LDLRAD3: variants seen among roughly 807,000 people sequenced by gnomAD.
LDLRAD3 encodes low density lipoprotein receptor class A domain containing 3.
In LDLRAD3, 20 loss-of-function variants were observed where a neutral mutation model predicts 29.4. That is an observed-to-expected ratio of 0.68 (90% CI 0.48 to 0.99). The LOEUF (loss-of-function observed/expected upper bound fraction) is 0.99. LDLRAD3 is among the 50% of genes least tolerant of loss of function. LDLRAD3 has a pLI of 0.00. For synonymous variants in LDLRAD3, 157 were observed against 192.7 expected, an observed-to-expected ratio of 0.81 and a Z score of 1.53; for missense variants, 420 against 454.3, an observed-to-expected ratio of 0.92 and a Z score of 0.69.
intron 4 of LDLRAD3, among the ~76,000 whole-genome samples, chr11:36,115,659 C>T (rs143513270): frequency 3.3e-5 from 5 of 152,274 alleles, no homozygotes; most frequent in East Asian, 1.9e-4. Flanking sequence ...CGCAAAAGGA[C>T]GCCCCAGTCC....
intron 2 of LDLRAD3, among the ~76,000 whole-genome samples, chr11:36,080,031 TGGAAC>T (rs1853086614): frequency 6.6e-6 from 1 of 152,240 alleles, no homozygotes; most frequent in African/African-American, 2.4e-5. Flanking sequence ...TTTTGAAACC[TGGAAC>T]ATTTCAGGCC....
chr11:35,974,933 C>G (rs917819908), intron 1 of LDLRAD3, among the ~76,000 whole-genome samples: 1 of 152,184 alleles, frequency 6.6e-6, no homozygotes, highest in African/African-American at 2.4e-5. Context: ...GGGTATATAC[C>G]TGCTTCTGTG....
chr11:36,087,610 G>C (rs1188917608), intron 3 of LDLRAD3, among the ~76,000 whole-genome samples: 1 of 152,158 alleles, frequency 6.6e-6, no homozygotes, highest in Non-Finnish European at 1.5e-5. Context: ...AAAATAACTA[G>C]AGAGTTATAT....
intron 1 of LDLRAD3, among the ~76,000 whole-genome samples, chr11:36,026,178 C>T (rs1043216097): frequency 3.9e-5 from 6 of 152,146 alleles, no homozygotes; most frequent in South Asian, 2.1e-4. Context: ...TTCTGCAGTT[C>T]GCTCTTTTCA....
At chr11:36,052,020 A>G (rs1852536409) in intron 2 of LDLRAD3, among the ~76,000 whole-genome samples, 2 of 152,352 alleles carry the variant, frequency 1.3e-5, no homozygotes, top group African/African-American at 4.8e-5. Context: ...CTAAACAAGC[A>G]GCCCAGGGGA....
intron 1 of LDLRAD3, among the ~76,000 whole-genome samples, chr11:36,018,756 T>C (rs955086148): frequency 3.9e-5 from 6 of 152,230 alleles, no homozygotes; most frequent in African/African-American, 1.4e-4. Flanking sequence ...CCCTCAAGAG[T>C]ACTCATCTTT....
At chr11:36,057,008 A>T (rs950670624) in intron 2 of LDLRAD3, among the ~76,000 whole-genome samples, 2 of 152,064 alleles carry the variant, frequency 1.3e-5, no homozygotes, top group Non-Finnish European at 2.9e-5. Flanking sequence ...CTGTTGATGC[A>T]CTGGTCTGAG....
chr11:36,077,863 G>A (rs1853041252), intron 2 of LDLRAD3, among the ~76,000 whole-genome samples: 1 of 152,188 alleles, frequency 6.6e-6, no homozygotes, highest in African/African-American at 2.4e-5. Flanking sequence ...AGCCCTGTTT[G>A]TGTTATAGCT....
At chr11:35,971,256 G>A (rs1851408409) in intron 1 of LDLRAD3, among the ~76,000 whole-genome samples, 1 of 152,166 alleles carries the variant, frequency 6.6e-6, no homozygotes, top group South Asian at 2.1e-4. Flanking sequence ...TTATTTCAAG[G>A]GCGTTGGGAC....
chr11:36,095,416 A>C (rs1375134510), intron 3 of LDLRAD3, among the ~76,000 whole-genome samples: 3 of 152,164 alleles, frequency 2.0e-5, no homozygotes, highest in Non-Finnish European at 4.4e-5. Flanking sequence ...GACAGTATAC[A>C]TTATTTCACG....
At chr11:36,201,695 C>T (rs1168913172) in intron 4 of LDLRAD3, among the ~76,000 whole-genome samples, 2 of 152,216 alleles carry the variant, frequency 1.3e-5, no homozygotes, top group African/African-American at 4.8e-5. Flanking sequence ...TTTAATTAAA[C>T]TTCTAGCTGG....
At chr11:36,113,552 G>C (rs972878207) in intron 4 of LDLRAD3, among the ~76,000 whole-genome samples, 3 of 152,146 alleles carry the variant, frequency 2.0e-5, no homozygotes, top group African/African-American at 7.2e-5. Context: ...GTGGTTGCCT[G>C]ATCATGACAT....
chr11:35,971,989 G>C (rs953680935), intron 1 of LDLRAD3, among the ~76,000 whole-genome samples: 1 of 152,124 alleles, frequency 6.6e-6, no homozygotes, highest in South Asian at 2.1e-4. Flanking sequence ...AGGAGCTGCC[G>C]GTGTGGGGGA....
rs796603696 is a variant in LDLRAD3 at position 36,112,593 on chromosome 11, C to T, written c.454+14132C>T. Among the ~76,000 whole-genome samples, 28 of 152,292 alleles carry T rather than the reference C, an allele frequency of 1.8e-4. 1 individual carries two copies. The highest frequency in any genetic ancestry group is 6.7e-4 in the African/African-American group (28 of 41,560). On this transcript the variant is annotated intron_variant, in intron 4 of 5. Coordinates refer to ENST00000315571, the MANE Select transcript of LDLRAD3 (RefSeq NM_174902.4). ...CCAAACCTTAAGTGGACAATTGATC[C>T]TAGGCTAGTCTGTTTATCAGCTGGC...
At chr11:36,123,681 G>A (rs564142042) in intron 4 of LDLRAD3, among the ~76,000 whole-genome samples, 14 of 152,360 alleles carry the variant, frequency 9.2e-5, no homozygotes, top group Admixed American at 8.5e-4. Flanking sequence ...AGTTTGGAGG[G>A]GGAGTAGGCC....
intron 1 of LDLRAD3, among the ~76,000 whole-genome samples, chr11:35,953,234 G>T (rs997061606): frequency 2.0e-5 from 3 of 152,166 alleles, no homozygotes; most frequent in Admixed American, 1.3e-4. Flanking sequence ...AGACGATGTT[G>T]TCTCTGTCCT....
intron 4 of LDLRAD3, among the ~76,000 whole-genome samples, chr11:36,190,866 T>C (rs953361464): frequency 6.6e-6 from 1 of 152,228 alleles, no homozygotes; most frequent in Non-Finnish European, 1.5e-5. Context: ...TAAGTGTTTT[T>C]ACAAAGGTTC....
chr11:36,097,420 C>G (rs1853376516), intron 3 of LDLRAD3, among the ~76,000 whole-genome samples: 1 of 152,200 alleles, frequency 6.6e-6, no homozygotes, highest in African/African-American at 2.4e-5. Flanking sequence ...TGGCTTTGCT[C>G]CATGTGTCCC....
At chr11:36,006,190 T>A (rs1851882919) in intron 1 of LDLRAD3, among the ~76,000 whole-genome samples, 1 of 152,208 alleles carries the variant, frequency 6.6e-6, no homozygotes, top group Admixed American at 6.5e-5. Context: ...TGATTCTGTT[T>A]AATCCTTCTT....
Sources: gnomAD v4.1 joint callset for allele counts (sites outside exome capture counted in the v4.1 genomes callset) on GRCh38, gnomAD v4.1.1 for gene constraint, MANE v1.5 for transcripts, NCBI Gene and HGNC (gene_info 2026-07-23, HGNC 2026-07-21) for gene names.